The following NTM variants were observed in gnomAD, a reference collection of about 807,000 sequenced individuals.
NTM encodes IgLON family member 2.
A neutral mutation model predicts 42.1 loss-of-function variants in NTM; 13 were observed. The observed-to-expected ratio is 0.31, with a 90% CI of 0.20 to 0.49. The LOEUF is 0.49. Among genes scored for constraint, NTM ranks in the 20% least tolerant of loss-of-function variants. The probability of loss-of-function intolerance (pLI) is 0.99; values close to 1 mark genes in which losing one functional copy is unlikely to be tolerated. For synonymous variants in NTM, 187 were observed against 179.2 expected, an observed-to-expected ratio of 1.04 and a Z score of -0.35; for missense variants, 373 against 452.8, an observed-to-expected ratio of 0.82 and a Z score of 1.60.
chr11:131,916,444 T>C (rs2056386752), intron 2 of NTM, among the ~76,000 whole-genome samples: 1 of 152,134 alleles, frequency 6.6e-6, no homozygotes, highest in African/African-American at 2.4e-5. Flanking sequence ...ACCATAGGCT[T>C]AGCGATTGGA....
At chr11:132,047,219 A>C (rs1341107748) in intron 2 of NTM, among the ~76,000 whole-genome samples, 1 of 152,274 alleles carries the variant, frequency 6.6e-6, no homozygotes, top group African/African-American at 2.4e-5. Flanking sequence ...GGATTCTGAC[A>C]CTGAATGCTC....
intron 1 of NTM, among the ~76,000 whole-genome samples, chr11:131,665,892 T>C (rs1459580934): frequency 6.6e-6 from 1 of 152,236 alleles, no homozygotes; most frequent in Non-Finnish European, 1.5e-5. Context: ...ATGGGTATGA[T>C]ATATATCTCA....
chr11:131,469,435 A>T (rs1028563065), intron 1 of NTM, among the ~76,000 whole-genome samples: 15 of 152,218 alleles, frequency 9.9e-5, no homozygotes, highest in Non-Finnish European at 7.3e-5. Flanking sequence ...AGGAAGGCTG[A>T]TGACTTGCCC....
At chr11:132,066,584 G>T (rs2056529288) in intron 2 of NTM, among the ~76,000 whole-genome samples, 1 of 152,154 alleles carries the variant, frequency 6.6e-6, no homozygotes, top group South Asian at 2.1e-4. Context: ...TCAAGACATT[G>T]GCAGAGCCGC....
At chr11:131,792,376 G>T (rs1374791824) in intron 1 of NTM, among the ~76,000 whole-genome samples, 1 of 152,160 alleles carries the variant, frequency 6.6e-6, no homozygotes, top group East Asian at 1.9e-4. Flanking sequence ...GCCTGCTGGT[G>T]ATAGTATGTT....
intron 2 of NTM, among the ~76,000 whole-genome samples, chr11:132,117,159 T>C: frequency 6.6e-6 from 1 of 152,252 alleles, no homozygotes; most frequent in East Asian, 1.9e-4. Flanking sequence ...ATTGTTTTTT[T>C]GTATTGCAAC....
chr11:131,435,404 G>T (rs1949041001), intron 1 of NTM, among the ~76,000 whole-genome samples: 1 of 152,166 alleles, frequency 6.6e-6, no homozygotes, highest in Non-Finnish European at 1.5e-5. Flanking sequence ...TCACAATGTT[G>T]ATTCTTCCTA....
At chr11:131,764,313 A>T (rs2084759652) in intron 1 of NTM, among the ~76,000 whole-genome samples, 1 of 152,180 alleles carries the variant, frequency 6.6e-6, no homozygotes, top group South Asian at 2.1e-4. Flanking sequence ...ACCAGATGGA[A>T]CCGGTCTCTT....
intron 1 of NTM, among the ~76,000 whole-genome samples, chr11:131,627,611 C>T (rs758606082): frequency 1.5e-4 from 23 of 152,090 alleles, no homozygotes; most frequent in Middle Eastern, 3.4e-3. Context: ...GAAGGTGGAT[C>T]GCTTGAGTCC....
intron 1 of NTM, among the ~76,000 whole-genome samples, chr11:131,583,566 C>T (rs2058602422): frequency 6.6e-6 from 1 of 152,154 alleles, no homozygotes; most frequent in South Asian, 2.1e-4. Flanking sequence ...CCTTCAGACA[C>T]TGTGCTTTTT....
At chr11:131,703,045 A>G (rs937208219) in intron 1 of NTM, among the ~76,000 whole-genome samples, 11 of 152,246 alleles carry the variant, frequency 7.2e-5, no homozygotes, top group African/African-American at 2.7e-4. Flanking sequence ...TGAAAAATCT[A>G]CATAGATCCC....
chr11:131,448,869 G>A (rs975512265), intron 1 of NTM, among the ~76,000 whole-genome samples: 4 of 152,206 alleles, frequency 2.6e-5, no homozygotes, highest in Non-Finnish European at 4.4e-5. Context: ...TAATAGAGTG[G>A]GAGGAATGGT....
chr11:131,825,761 A>G (rs2042052432), intron 1 of NTM, among the ~76,000 whole-genome samples: 1 of 152,166 alleles, frequency 6.6e-6, no homozygotes, highest in African/African-American at 2.4e-5. Context: ...TGATAAAAAG[A>G]GGGTAGGGTA....
intron 2 of NTM, among the ~76,000 whole-genome samples, chr11:132,121,422 TCAA>T (rs1414489216): frequency 6.6e-6 from 1 of 151,726 alleles, no homozygotes; most frequent in Non-Finnish European, 1.5e-5. Flanking sequence ...ACTCCTGGGG[TCAA>T]CAGAGGCGTG....
chr11:132,254,854 G>A (rs1055004880), intron 4 of NTM, among the ~76,000 whole-genome samples: 5 of 152,110 alleles, frequency 3.3e-5, no homozygotes, highest in Non-Finnish European at 7.3e-5. Flanking sequence ...TTAGGCTGGC[G>A]AATTTCTTCT....
chr11:131,412,645 G>A (rs1391715036), intron 1 of NTM, among the ~76,000 whole-genome samples: 1 of 152,216 alleles, frequency 6.6e-6, no homozygotes, highest in Non-Finnish European at 1.5e-5. Flanking sequence ...GCTGAGTGAT[G>A]TGGTTTATTG....
chr11:131,696,908 C>T (rs917080889), intron 1 of NTM, among the ~76,000 whole-genome samples: 5 of 152,234 alleles, frequency 3.3e-5, no homozygotes, highest in Admixed American at 6.5e-5. Context: ...TGACATTCCT[C>T]GGGTTATGGA....
At chr11:132,157,116 C>A (rs1414692300) in intron 3 of NTM, among the ~76,000 whole-genome samples, 1 of 152,164 alleles carries the variant, frequency 6.6e-6, no homozygotes, top group Non-Finnish European at 1.5e-5. Flanking sequence ...GACGTCTCAC[C>A]TCCAGAATCA....
intron 1 of NTM, among the ~76,000 whole-genome samples, chr11:131,449,784 C>T (rs906160713): frequency 2.0e-5 from 3 of 152,194 alleles, no homozygotes; most frequent in Non-Finnish European, 4.4e-5. Flanking sequence ...GGAAGCCCAG[C>T]TCATGTCCCA....
Sources: gnomAD v4.1 joint callset for allele counts (sites outside exome capture counted in the v4.1 genomes callset) on GRCh38, gnomAD v4.1.1 for gene constraint, MANE v1.5 for transcripts, NCBI Gene and HGNC (gene_info 2026-07-23, HGNC 2026-07-21) for gene names.